CARMIL1: variants seen among roughly 807,000 people sequenced by gnomAD.
CARMIL1 encodes the protein F-actin-uncapping protein LRRC16A.
In CARMIL1, 90 loss-of-function variants were observed where a neutral mutation model predicts 177.1. That is an observed-to-expected ratio of 0.51 (90% confidence interval 0.43 to 0.61). The LOEUF (loss-of-function observed/expected upper bound fraction) is 0.61, where lower values mean the gene tolerates loss of function less well. CARMIL1 is among the 20% of genes least tolerant of loss of function. The probability of loss-of-function intolerance (pLI) is 0.00; values close to 1 mark genes in which losing one functional copy is unlikely to be tolerated. For missense variants in CARMIL1, 1,380 were observed against 1,667.0 expected, an observed-to-expected ratio of 0.83 and a Z score of 3.00; for synonymous variants, 577 against 606.2, an observed-to-expected ratio of 0.95 and a Z score of 0.71.
intron 2 of CARMIL1, among the ~76,000 whole-genome samples, chr6:25,400,423 C>T (rs896349877): frequency 6.6e-5 from 10 of 152,160 alleles, no homozygotes; most frequent in African/African-American, 2.4e-4. Context: ...AGTCTTCCTT[C>T]CATGAGTTTC....
intron 17 of CARMIL1, among the ~76,000 whole-genome samples, chr6:25,502,886 T>C (rs931872216): frequency 6.6e-6 from 1 of 152,236 alleles, no homozygotes; most frequent in Non-Finnish European, 1.5e-5. Context: ...GTTAGGCATT[T>C]TCTTCTCAAA....
At chr6:25,439,613 T>C (rs765141612) in intron 5 of CARMIL1, among the ~76,000 whole-genome samples, 1 of 151,982 alleles carries the variant, frequency 6.6e-6, no homozygotes, top group Non-Finnish European at 1.5e-5. Context: ...GGCAGAGAGG[T>C]GTCCAGTGTT....
intron 2 of CARMIL1, among the ~76,000 whole-genome samples, chr6:25,391,236 C>T (rs1366155054): frequency 6.6e-6 from 1 of 152,162 alleles, no homozygotes; most frequent in African/African-American, 2.4e-5. Flanking sequence ...AATAGGGTAG[C>T]TGGCTGGGTG....
intron 32 of CARMIL1, 77 bp from the exon 33 acceptor site, chr6:25,600,237 A>G: frequency 7.4e-7 from 1 of 1,356,988 alleles, no homozygotes; most frequent in East Asian, 2.3e-5. Context: ...CAATCTCCAT[A>G]TTTATATTTT....
intron 22 of CARMIL1, among the ~76,000 whole-genome samples, chr6:25,517,649 C>T (rs1182812772): frequency 3.3e-5 from 5 of 152,170 alleles, no homozygotes; most frequent in Non-Finnish European, 2.9e-5. Context: ...AAAAACACCA[C>T]ACTGTCGTGA....
intron 12 of CARMIL1, among the ~76,000 whole-genome samples, chr6:25,483,317 A>G (rs1229204346): frequency 6.6e-6 from 1 of 152,222 alleles, no homozygotes; most frequent in Non-Finnish European, 1.5e-5. Flanking sequence ...TTCTGTAGTC[A>G]GATTGCCGAA....
chr6:25,290,788 C>A (rs902681181), intron 2 of CARMIL1, among the ~76,000 whole-genome samples: 7 of 151,352 alleles, frequency 4.6e-5, no homozygotes, highest in Admixed American at 3.3e-4. Context: ...CTGAAATCCA[C>A]CCCCCCGGCC....
At chr6:25,498,611 C>T (rs1803976009) in intron 16 of CARMIL1, among the ~76,000 whole-genome samples, 1 of 152,144 alleles carries the variant, frequency 6.6e-6, no homozygotes, top group Non-Finnish European at 1.5e-5. Flanking sequence ...AAATATGTGT[C>T]TAAGTCCTAG....
At chr6:25,351,726 T>A (rs1788116698) in intron 2 of CARMIL1, among the ~76,000 whole-genome samples, 2 of 152,196 alleles carry the variant, frequency 1.3e-5, no homozygotes, top group Non-Finnish European at 2.9e-5. Flanking sequence ...TTGGGTCAAT[T>A]ATTTTAACCT....
At chr6:25,450,114 G>C (rs1194404693) in intron 6 of CARMIL1, 119 bp downstream of exon 6, 6 of 863,044 alleles carry the variant, frequency 7.0e-6, no homozygotes, top group African/African-American at 6.8e-5. Flanking sequence ...GGTGTAATTA[G>C]CAGCGCACAG....
intron 2 of CARMIL1, among the ~76,000 whole-genome samples, chr6:25,351,665 G>A (rs1033536212): frequency 6.6e-6 from 1 of 152,158 alleles, no homozygotes; most frequent in Non-Finnish European, 1.5e-5. Flanking sequence ...CAGAACAAGG[G>A]ACTTGAAGTC....
intron 31 of CARMIL1, among the ~76,000 whole-genome samples, chr6:25,592,260 CATAAG>C (rs1278829338): frequency 2.0e-5 from 3 of 152,014 alleles, no homozygotes; most frequent in African/African-American, 2.4e-5. Context: ...AAAGGGTAGA[CATAAG>C]GGTGACATAA....
chr6:25,606,253 C>T lies in CARMIL1; in HGVS notation c.3827C>T (p.Pro1276Leu), dbSNP rs1220919532. The T allele has an allele frequency of 6.2e-7, 1 of 1,613,654 alleles. No individual in the cohort carries two copies. ...GCACGGCCCGTCATCCCGCAGAAAC[C>T]AAGAACCGCCTCACGGCCTGGTAAG... The part of the protein sequence containing the change: ...LAARPVIPQK[P>L]RTASRPDDIP... The change falls in exon 35 of 37, where the codon CCA becomes CTA. Residue 1276 changes from proline to leucine, a missense_variant. Coordinates refer to ENST00000329474, the MANE Select transcript of CARMIL1 (RefSeq NM_017640.6).
At chr6:25,574,322 CA>C (rs1812391597) in intron 29 of CARMIL1, among the ~76,000 whole-genome samples, 1 of 152,210 alleles carries the variant, frequency 6.6e-6, no homozygotes, top group African/African-American at 2.4e-5. Flanking sequence ...GTGTTCCTAA[CA>C]CCCTGAAGAG....
chr6:25,468,173 A>G (rs1220417220), intron 9 of CARMIL1, among the ~76,000 whole-genome samples: 1 of 151,662 alleles, frequency 6.6e-6, no homozygotes, highest in African/African-American at 2.4e-5. Context: ...ATTAGCAATC[A>G]CTATTTCTAA....
intron 2 of CARMIL1, among the ~76,000 whole-genome samples, chr6:25,311,224 G>A (rs1281548076): frequency 2.0e-5 from 3 of 151,996 alleles, no homozygotes; most frequent in Non-Finnish European, 2.9e-5. Flanking sequence ...CGGGTTGAAC[G>A]CATAAGTACC....
At chr6:25,491,920 A>G (rs1803277227) in intron 14 of CARMIL1, 28 bp from the exon 15 acceptor site, 2 of 1,606,276 alleles carry the variant, frequency 1.2e-6, no homozygotes, top group South Asian at 2.2e-5. Context: ...AAATACTTGA[A>G]AAGAAGAGTG....
intron 5 of CARMIL1, among the ~76,000 whole-genome samples, chr6:25,436,034 C>A (rs1427132495): frequency 2.0e-5 from 3 of 152,066 alleles, no homozygotes; most frequent in Non-Finnish European, 4.4e-5. Flanking sequence ...GAACAAGAAA[C>A]CTAAAAAAAT....
intron 11 of CARMIL1, chr6:25,479,201 C>T (rs754112394): frequency 3.5e-5 from 18 of 518,892 alleles, no homozygotes; most frequent in African/African-American, 3.1e-4. Flanking sequence ...TGTCCTCTAC[C>T]ACTTGGAAAA....
Sources: gnomAD v4.1 joint callset for allele counts (sites outside exome capture counted in the v4.1 genomes callset) on GRCh38, gnomAD v4.1.1 for gene constraint, MANE v1.5 for transcripts, NCBI Gene and HGNC (gene_info 2026-07-23, HGNC 2026-07-21) for gene names.